Variants in FBXW12 observed in about 807,000 individuals in gnomAD.
FBXW12 encodes the protein F-box/WD repeat-containing protein 12.
A neutral mutation model predicts 55.3 loss-of-function variants in FBXW12; 43 were observed. The observed-to-expected ratio is 0.78, with a 90% CI of 0.61 to 1.00. The LOEUF (loss-of-function observed/expected upper bound fraction) is 1.00, where lower values mean the gene tolerates loss of function less well. Among genes scored for constraint, FBXW12 ranks in the 50% least tolerant of loss-of-function variants. FBXW12 has a pLI of 0.00. For missense variants in FBXW12, 524 were observed against 560.5 expected (o/e 0.93, Z 0.66); for synonymous variants, 184 against 203.8 (o/e 0.90, Z 0.83).
At chr3:48,381,021 A>ATTTTT in intron 8 of FBXW12, 109 bp downstream of exon 8, 2 of 631,400 alleles carry the variant, frequency 3.2e-6, no homozygotes, top group Non-Finnish European at 2.5e-6. Context: ...GGGGATTTCT[A>ATTTTT]GTTTTTTTTT....
rs535285857 is a variant in FBXW12 at position 48,372,667 on chromosome 3, G to C, written c.-84-17G>C. On this transcript the variant is annotated splice_polypyrimidine_tract_variant and intron_variant, in intron 1 of 10. Transcript: ENST00000296438. The stretch of plus-strand genomic sequence containing the variant: ...TTCTACCGCACACAGATGGGCATGG[G>C]TGAAAATCTTTACAAGTGCTGCAGA... 6.2e-7 allele frequency: 1 copy of C among 1,604,686 alleles called. No individual in the cohort carries two copies. The highest frequency in any genetic ancestry group is 2.2e-5 in the East Asian group (1 of 44,752).
chr3:48,381,846 G>T lies in FBXW12; in HGVS notation c.1132G>T (p.Asp378Tyr). 1 of 1,608,178 alleles carries T rather than the reference G, an allele frequency of 6.2e-7. No individual in the cohort carries two copies. The highest frequency in any genetic ancestry group is 1.1e-5 in the South Asian group (1 of 90,554). ...ITGFLLQRFE[D>Y]HQAAINNFWV... ...TGGCTTCCTGCTGCAACGATTTGAG[G>T]ACCATCAGGCAGCCATCAACAACTT... The change falls in exon 9 of 11, where the codon GAC becomes TAC. Residue 378 changes from aspartate to tyrosine, a missense_variant. Asp to Tyr is a radical substitution (Grantham distance 160). Coordinates refer to ENST00000296438, the MANE Select transcript of FBXW12 (RefSeq NM_207102.2).
At chr3:48,389,018 C>G (rs1452128202) in intron 10 of FBXW12, among the ~76,000 whole-genome samples, 1 of 152,176 alleles carries the variant, frequency 6.6e-6, no homozygotes, top group Non-Finnish European at 1.5e-5. Flanking sequence ...GTCTAACCCC[C>G]TGCTCTGACC....
Position 48,372,710 on chromosome 3 carries a change from A to G in FBXW12, c.-58A>G. On this transcript the variant is annotated 5_prime_UTR_variant, in exon 2 of 11. It removes the in-frame stop codon of an upstream open reading frame in the 5' UTR. Coordinates refer to ENST00000296438, the MANE Select transcript of FBXW12 (RefSeq NM_207102.2). ...GCTGCAGACTTTGGCAAAGCCTATA[A>G]ATTCAGAGCAGCCCGGAGAGGAGAA... 6.2e-7 allele frequency: 1 copy of G among 1,613,506 alleles called. No homozygotes were observed. The highest frequency in any genetic ancestry group is 8.5e-7 in the Non-Finnish European group (1 of 1,179,474).
chr3:48,377,715 A>T (rs1408421736), intron 5 of FBXW12, among the ~76,000 whole-genome samples: 1 of 152,210 alleles, frequency 6.6e-6, no homozygotes, highest in Non-Finnish European at 1.5e-5. Flanking sequence ...GCCATGGGGG[A>T]GTTGTTAAAT....
At chr3:48,378,587 A>T (rs1336770127) in intron 6 of FBXW12, 61 bp downstream of exon 6, 3 of 1,351,542 alleles carry the variant, frequency 2.2e-6, no homozygotes, top group Non-Finnish European at 3.1e-6. Flanking sequence ...CTTGTCAGGC[A>T]TCCGTGTCAC....
chr3:48,373,422 C>T, intron 3 of FBXW12, 77 bp downstream of exon 3: 1 of 1,611,818 alleles, frequency 6.2e-7, no homozygotes, highest in Non-Finnish European at 8.5e-7. Flanking sequence ...GTCCCAAGGC[C>T]TGTGTGGCTG....
chr3:48,373,405 A>T, intron 3 of FBXW12, 60 bp downstream of exon 3: 1 of 1,613,722 alleles, frequency 6.2e-7, no homozygotes, highest in Non-Finnish European at 8.5e-7. Flanking sequence ...CTGCGCACCC[A>T]TGCTGTGTCC....
At chr3:48,384,898 T>C (rs910118584) in intron 10 of FBXW12, among the ~76,000 whole-genome samples, 1 of 152,266 alleles carries the variant, frequency 6.6e-6, no homozygotes, top group African/African-American at 2.4e-5. Context: ...TACAATGTGA[T>C]TTCATAGATG....
intron 8 of FBXW12, 80 bp from the exon 9 acceptor site, chr3:48,381,620 G>A: frequency 7.0e-7 from 1 of 1,427,892 alleles, no homozygotes; most frequent in African/African-American, 1.4e-5. Flanking sequence ...TATTCAGTGT[G>A]AGGATATTAT....
intron 10 of FBXW12, among the ~76,000 whole-genome samples, chr3:48,392,986 CTTTTTTTTTTTTTT>C (rs782102353): frequency 8.0e-6 from 1 of 125,160 alleles, no homozygotes; most frequent in Non-Finnish European, 1.7e-5. Context: ...AAGGGGTACC[CTTTTTTTTTTTTTT>C]TTTTTTTTTT....
At chr3:48,373,913 A>G (rs1459200481) in intron 4 of FBXW12, among the ~76,000 whole-genome samples, 2 of 151,904 alleles carry the variant, frequency 1.3e-5, no homozygotes, top group Non-Finnish European at 2.9e-5. Context: ...AAGAAACTAG[A>G]GTGATTTTTT....
At position 48,375,986 on chromosome 3, in the gene FBXW12, T is replaced by C. The variant is rs1003633219; in HGVS notation, c.405+514T>C. Among the ~76,000 whole-genome samples the C allele has an allele frequency of 3.4e-4, 45 of 132,786 alleles. 1 individual carries two copies. The highest frequency in any genetic ancestry group is 1.3e-3 in the African/African-American group (45 of 34,890). The allele number at this position is 132,786 out of a possible 152,430, so 87.1% of individuals were successfully genotyped here. A position where few individuals can be genotyped will look rare whatever the true frequency, so the allele number is the denominator to read the frequency against. ...CACTGCGCCCGGCCTTTTTTTTTTT[T>C]TTTTTTTTTTTTTTTGAGACAGTCT... On this transcript the variant is annotated intron_variant, in intron 5 of 10. Coordinates refer to ENST00000296438, the MANE Select transcript of FBXW12 (RefSeq NM_207102.2).
chr3:48,380,129 C>T (rs1426054943), intron 7 of FBXW12: 1 of 138,740 alleles, frequency 7.2e-6, no homozygotes, highest in Non-Finnish European at 1.6e-5. Flanking sequence ...GAGACCCTAC[C>T]TCTTAAAAAA....
At chr3:48,383,253 T>C (rs1253952178) in intron 10 of FBXW12, among the ~76,000 whole-genome samples, 1 of 152,212 alleles carries the variant, frequency 6.6e-6, no homozygotes, top group Non-Finnish European at 1.5e-5. Context: ...TTTCAATAAT[T>C]TCAAATACTT....
chr3:48,393,290 C>T (rs980508920), intron 10 of FBXW12, among the ~76,000 whole-genome samples: 2 of 152,294 alleles, frequency 1.3e-5, no homozygotes, highest in Admixed American at 6.5e-5. Flanking sequence ...GCCATCACAC[C>T]TGGCCTGGGG....
intron 5 of FBXW12, among the ~76,000 whole-genome samples, chr3:48,377,873 A>G (rs2036707241): frequency 6.6e-6 from 1 of 152,238 alleles, no homozygotes; most frequent in Non-Finnish European, 1.5e-5. Flanking sequence ...AAAGACAACT[A>G]TTCTATCTTG....
chr3:48,378,389 C>G lies in FBXW12; in HGVS notation c.478C>G (p.Leu160Val). 6.2e-7 allele frequency: 1 copy of G among 1,614,064 alleles called. No individual in the cohort carries two copies. The highest frequency in any genetic ancestry group is 1.1e-5 in the South Asian group (1 of 91,072). Residue 160 changes from leucine (L) to valine (V), a missense_variant, in exon 6 of 11, where the codon CTC becomes GTC. Transcript: ENST00000296438. Reference sequence around the variant, plus strand: ...TCTGGTAACCCTCCCTCAGATGCATCTCGCCATCACTATGGATCGGAAAAA... The same window carrying G: ...TCTGGTAACCCTCCCTCAGATGCATGTCGCCATCACTATGGATCGGAAAAA... ...SNLVTLPQMH[L>V]AITMDRKKTI...
Position 48,373,355 on chromosome 3 carries a change from G to C in FBXW12, c.128+10G>C. ...GTGATTACCTGTGGAGGTAAGGGAA[G>C]GGAAAGGGCAAGGAGGGAAGGGGAG... On this transcript the variant is annotated intron_variant, in intron 3 of 10. Coordinates refer to ENST00000296438, the MANE Select transcript of FBXW12 (RefSeq NM_207102.2). 6.2e-7 allele frequency: 1 copy of C among 1,614,182 alleles called. No homozygotes were observed. The highest frequency in any genetic ancestry group is 8.5e-7 in the Non-Finnish European group (1 of 1,180,026).
Sources: gnomAD v4.1 joint callset for allele counts (sites outside exome capture counted in the v4.1 genomes callset) on GRCh38, gnomAD v4.1.1 for gene constraint, MANE v1.5 for transcripts, NCBI Gene and HGNC (gene_info 2026-07-23, HGNC 2026-07-21) for gene names.